Variants in GALK2 observed in about 807,000 individuals in gnomAD.
The protein encoded by GALK2 is N-acetylgalactosamine kinase.
GALK2 carries 36 observed loss-of-function variants against 52.4 expected under a neutral mutation model. The ratio of observed to expected loss-of-function variants is 0.69; its 90% CI spans 0.53 to 0.91. GALK2 has a LOEUF of 0.91. Among genes scored for constraint, GALK2 ranks in the 40% least tolerant of loss-of-function variants. GALK2 has a pLI of 0.00. For missense variants in GALK2, 579 were observed against 559.1 expected, an observed-to-expected ratio of 1.04 and a Z score of -0.36; for synonymous variants, 176 against 199.1, an observed-to-expected ratio of 0.88 and a Z score of 0.98.
intron 3 of GALK2, among the ~76,000 whole-genome samples, chr15:49,363,992 T>G (rs1567157043): frequency 6.6e-6 from 1 of 152,232 alleles, no homozygotes. Flanking sequence ...ATTTGCTTTT[T>G]GACATGCTGC....
chr15:49,175,578 T>G (rs2085381897), intron 1 of GALK2, among the ~76,000 whole-genome samples: 1 of 152,178 alleles, frequency 6.6e-6, no homozygotes, highest in African/African-American at 2.4e-5. Flanking sequence ...TAAACATCCT[T>G]TATTAAATTA....
At chr15:49,218,756 G>A (rs1451833428) in intron 3 of GALK2, among the ~76,000 whole-genome samples, 2 of 152,182 alleles carry the variant, frequency 1.3e-5, no homozygotes, top group Non-Finnish European at 2.9e-5. Flanking sequence ...AAATATTTAT[G>A]TACGAATATA....
chr15:49,358,878 A>T (rs2043666933), intron 3 of GALK2, among the ~76,000 whole-genome samples: 1 of 150,024 alleles, frequency 6.7e-6, no homozygotes, highest in Non-Finnish European at 1.5e-5. Context: ...TGGTACTGGT[A>T]CCAAAACAGA....
chr15:49,259,247 TTACA>T (rs2091970885), intron 5 of GALK2, among the ~76,000 whole-genome samples: 2 of 151,828 alleles, frequency 1.3e-5, no homozygotes, highest in South Asian at 4.2e-4. Flanking sequence ...TGCAGGTTAG[TTACA>T]TATGTATACA....
intron 3 of GALK2, among the ~76,000 whole-genome samples, chr15:49,223,394 T>C (rs942516115): frequency 3.3e-5 from 5 of 152,214 alleles, no homozygotes; most frequent in African/African-American, 1.2e-4. Flanking sequence ...ACTTTTATTT[T>C]AGATTCAGGG....
intron 8 of GALK2, among the ~76,000 whole-genome samples, chr15:49,299,706 A>ATTGCTTGC (rs1483737220): frequency 6.6e-4 from 56 of 85,332 alleles, no homozygotes; most frequent in African/African-American, 1.4e-3. Context: ...TCTTCTTGGT[A>ATTGCTTGC]TTGCTTTCTT....
chr15:49,337,065 TACC>T (rs748686739), intron 3 of GALK2, among the ~76,000 whole-genome samples: 2 of 152,248 alleles, frequency 1.3e-5, no homozygotes, highest in Non-Finnish European at 2.9e-5. Context: ...GGTGTATATG[TACC>T]ACATTTTCTT....
chr15:49,163,129 C>T (rs958112423), intron 1 of GALK2, among the ~76,000 whole-genome samples: 3 of 152,198 alleles, frequency 2.0e-5, no homozygotes, highest in Non-Finnish European at 4.4e-5. Flanking sequence ...GTTCTAGTTG[C>T]TCCACATCCT....
At chr15:49,291,917 A>G (rs1305823547) in intron 7 of GALK2, among the ~76,000 whole-genome samples, 1 of 152,156 alleles carries the variant, frequency 6.6e-6, no homozygotes, top group Non-Finnish European at 1.5e-5. Context: ...TCCTCTCAGG[A>G]CCCAGGTCAC....
At chr15:49,159,867 G>C (rs981303830) in intron 1 of GALK2, among the ~76,000 whole-genome samples, 2 of 152,144 alleles carry the variant, frequency 1.3e-5, no homozygotes, top group Non-Finnish European at 2.9e-5. Context: ...TGTGTTCCCT[G>C]TATCAGTTGA....
chr15:49,343,978 G>T (rs1411723449), intron 3 of GALK2: 1 of 152,076 alleles, frequency 6.6e-6, no homozygotes, highest in Non-Finnish European at 1.5e-5. Flanking sequence ...TCAAATTTTG[G>T]CTTTGAGATT....
chr15:49,320,998 C>A (rs1236095745), intron 9 of GALK2, among the ~76,000 whole-genome samples: 2 of 152,182 alleles, frequency 1.3e-5, no homozygotes, highest in African/African-American at 4.8e-5. Flanking sequence ...AATAAACTTT[C>A]TCTTCCTAGA....
intron 3 of GALK2, chr15:49,366,720 G>A (rs1217839244): frequency 7.8e-6 from 9 of 1,157,574 alleles, no homozygotes; most frequent in African/African-American, 5.9e-5. Context: ...GGCGCGGCGC[G>A]GCTCACTAGG....
chr15:49,237,912 T>A (rs1265414904), intron 4 of GALK2, among the ~76,000 whole-genome samples: 1 of 151,990 alleles, frequency 6.6e-6, no homozygotes, highest in African/African-American at 2.4e-5. Context: ...AACAGTAGAG[T>A]TTCAGTTTAT....
At chr15:49,229,150 A>G (rs1483640308) in intron 3 of GALK2, among the ~76,000 whole-genome samples, 1 of 152,166 alleles carries the variant, frequency 6.6e-6, no homozygotes, top group African/African-American at 2.4e-5. Flanking sequence ...AGATGTACCT[A>G]TGATATTGGT....
At chr15:49,216,538 C>T (rs953599720) in intron 2 of GALK2, among the ~76,000 whole-genome samples, 9 of 152,232 alleles carry the variant, frequency 5.9e-5, no homozygotes, top group Non-Finnish European at 1.3e-4. Context: ...TCACACATCA[C>T]AAGTCTACTG....
chr15:49,227,964 T>A (rs1180351287), intron 3 of GALK2, among the ~76,000 whole-genome samples: 1 of 152,144 alleles, frequency 6.6e-6, no homozygotes, highest in Non-Finnish European at 1.5e-5. Context: ...CAGTTCTCCT[T>A]CATTTATGAA....
At chr15:49,363,626 G>T (rs553490705) in intron 3 of GALK2, among the ~76,000 whole-genome samples, 15 of 152,202 alleles carry the variant, frequency 9.9e-5, no homozygotes, top group African/African-American at 3.6e-4. Flanking sequence ...TCTTTCTCTT[G>T]TCTGATTGCT....
At chr15:49,210,959 ACACACACACACACT>A (rs1002671462) in intron 2 of GALK2, among the ~76,000 whole-genome samples, 18 of 107,830 alleles carry the variant, frequency 1.7e-4, no homozygotes, top group Non-Finnish European at 3.1e-4. Flanking sequence ...GTTGGCTGTC[ACACACACACACACT>A]CACACACACA....
Sources: gnomAD v4.1 joint callset for allele counts (sites outside exome capture counted in the v4.1 genomes callset) on GRCh38, gnomAD v4.1.1 for gene constraint, MANE v1.5 for transcripts, NCBI Gene and HGNC (gene_info 2026-07-23, HGNC 2026-07-21) for gene names.